PRKG1: variants seen among roughly 807,000 people sequenced by gnomAD.
PRKG1 encodes the protein cGMP-dependent protein kinase 1.
A neutral mutation model predicts 88.1 loss-of-function variants in PRKG1; 35 were observed. The ratio of observed to expected loss-of-function variants is 0.40; its 90% CI spans 0.30 to 0.53. PRKG1 has a LOEUF of 0.53. PRKG1 is among the 20% of genes least tolerant of loss of function. The pLI is 0.59. For synonymous variants in PRKG1, 303 were observed against 292.5 expected, an observed-to-expected ratio of 1.04 and a Z score of -0.37; for missense variants, 540 against 839.8, an observed-to-expected ratio of 0.64 and a Z score of 4.41.
At chr10:51,539,265 T>G (rs1211247080) in intron 3 of PRKG1, among the ~76,000 whole-genome samples, 2 of 152,096 alleles carry the variant, frequency 1.3e-5, no homozygotes, top group African/African-American at 4.8e-5. Context: ...AAGTGATGGA[T>G]TCATAATTAT....
intron 9 of PRKG1, among the ~76,000 whole-genome samples, chr10:52,195,940 G>T (rs190910875): frequency 1.7e-4 from 26 of 152,154 alleles, no homozygotes; most frequent in African/African-American, 6.0e-4. Flanking sequence ...AATGAGAACT[G>T]AAAAAATGGA....
At position 51,637,773 on chromosome 10, in the gene PRKG1, G is replaced by A. The variant is rs546144840; in HGVS notation, c.593-166812G>A. 3.9e-5 allele frequency among the ~76,000 whole-genome samples: 6 copies of A among 152,264 alleles called. No homozygotes were observed. In the East Asian group the frequency reaches 1.2e-3, roughly 29 times the overall value. ...ACACACACTGGGGCCTGTTGGGCAGGGGGTGGAAGGAGTGAGAGCATCAGG... is the reference window on the plus strand; with the variant it reads ...ACACACACTGGGGCCTGTTGGGCAGAGGGTGGAAGGAGTGAGAGCATCAGG... On this transcript the variant is annotated intron_variant, in intron 3 of 17. Coordinates refer to ENST00000373980, the MANE Select transcript of PRKG1 (RefSeq NM_006258.4).
chr10:52,127,322 G>T (rs147045901), intron 7 of PRKG1, among the ~76,000 whole-genome samples: 33 of 152,262 alleles, frequency 2.2e-4, no homozygotes, highest in Non-Finnish European at 4.6e-4. Context: ...TTGAATCGCA[G>T]GTTGCAATGG....
At chr10:51,655,232 T>C (rs559836586) in intron 3 of PRKG1, among the ~76,000 whole-genome samples, 54 of 152,262 alleles carry the variant, frequency 3.5e-4, no homozygotes, top group African/African-American at 1.3e-3. Flanking sequence ...TCATGTTTCA[T>C]AGAAATCTGA....
intron 3 of PRKG1, among the ~76,000 whole-genome samples, chr10:51,638,429 T>C (rs6480391): frequency 0.85 from 129,705 of 152,144 alleles, 56,353 homozygotes; most frequent in Middle Eastern, 0.95. Flanking sequence ...CTCTAAGCAA[T>C]CACAAGGAAA....
intron 4 of PRKG1, among the ~76,000 whole-genome samples, chr10:51,888,714 G>A (rs988464108): frequency 1.3e-5 from 2 of 152,168 alleles, no homozygotes; most frequent in African/African-American, 2.4e-5. Context: ...TTGTGTCCAG[G>A]TTTTGCCACT....
intron 3 of PRKG1, among the ~76,000 whole-genome samples, chr10:51,580,072 A>C (rs1047896874): frequency 7.9e-5 from 12 of 152,166 alleles, no homozygotes; most frequent in Non-Finnish European, 1.2e-4. Context: ...TTTTTACTAC[A>C]TATGTGTTTG....
intron 5 of PRKG1, among the ~76,000 whole-genome samples, chr10:51,989,871 TATC>T (rs1434236428): frequency 6.6e-6 from 1 of 152,146 alleles, no homozygotes; most frequent in East Asian, 1.9e-4. Flanking sequence ...TATCCAAAAA[TATC>T]ATTGCCCAGA....
At chr10:52,275,910 C>T (rs986160820) in intron 12 of PRKG1, among the ~76,000 whole-genome samples, 3 of 151,922 alleles carry the variant, frequency 2.0e-5, no homozygotes, top group East Asian at 1.9e-4. Flanking sequence ...AGGTATTTTC[C>T]GAAGTTTTTG....
chr10:51,462,650 G>A (rs749858279), intron 2 of PRKG1, among the ~76,000 whole-genome samples: 4 of 152,070 alleles, frequency 2.6e-5, no homozygotes, highest in Non-Finnish European at 5.9e-5. Flanking sequence ...GTTACCTGAA[G>A]TAAAATTTAA....
At chr10:51,309,657 A>G (rs1841130635) in intron 2 of PRKG1, among the ~76,000 whole-genome samples, 2 of 151,966 alleles carry the variant, frequency 1.3e-5, no homozygotes, top group Non-Finnish European at 2.9e-5. Context: ...AATATAAGTT[A>G]GAACAACCTC....
In PRKG1 at chr10:52,126,861, G is replaced by T. The variant is rs543653323; in HGVS notation, c.936-6979G>T. ...GGGTCGTCAGTATAGTGCCTGGAAA[G>T]GTGATAGATCAGACAGTTGGAGGAC... On this transcript the variant is annotated intron_variant, in intron 7 of 17. Transcript: ENST00000373980. 3.3e-5 allele frequency among the ~76,000 whole-genome samples: 5 copies of T among 152,260 alleles called. No homozygotes were observed. The East Asian group carries it at 9.7e-4, about 29-fold the overall frequency.
intron 1 of PRKG1, among the ~76,000 whole-genome samples, chr10:51,118,768 A>G (rs1200958889): frequency 6.6e-6 from 1 of 152,112 alleles, no homozygotes; most frequent in Non-Finnish European, 1.5e-5. Flanking sequence ...AGAATATTCT[A>G]TTTAATTTAC....
intron 2 of PRKG1, among the ~76,000 whole-genome samples, chr10:51,200,827 T>G (rs774096424): frequency 3.9e-5 from 6 of 152,202 alleles, no homozygotes; most frequent in Non-Finnish European, 8.8e-5. Flanking sequence ...TTTAATATGC[T>G]GCCTACTGAA....
intron 3 of PRKG1, among the ~76,000 whole-genome samples, chr10:51,639,700 A>T (rs921632708): frequency 8.6e-5 from 13 of 151,138 alleles, no homozygotes; most frequent in Non-Finnish European, 4.4e-5. Flanking sequence ...TTTATATATA[A>T]ATTATTTTAT....
At chr10:51,856,867 G>A (rs1408700197) in intron 4 of PRKG1, among the ~76,000 whole-genome samples, 1 of 151,912 alleles carries the variant, frequency 6.6e-6, no homozygotes. Context: ...GGGAGGCTGA[G>A]GCAGGAGAAT....
chr10:51,988,734 A>C (rs1329976273), intron 5 of PRKG1, among the ~76,000 whole-genome samples: 1 of 151,666 alleles, frequency 6.6e-6, no homozygotes, highest in African/African-American at 2.4e-5. Context: ...TGATTGGTAA[A>C]ATTTTTTTCT....
At position 52,282,282 on chromosome 10, in the gene PRKG1, C is replaced by T. The variant is rs376012509; in HGVS notation, c.1675C>T (p.Leu559=). 1.2e-6 allele frequency: 2 copies of T among 1,608,004 alleles called. No homozygotes were observed. Among genetic ancestry groups the T allele is most frequent in the South Asian group, 1.1e-5 (1 of 90,290 alleles). Residue 559 remains leucine (L), a synonymous_variant, in exon 14 of 18, where the codon CTG becomes TTG. Coordinates refer to ENST00000373980, the MANE Select transcript of PRKG1 (RefSeq NM_006258.4). ...GHDISADYWS[L]GILMYELLTG... is the part of the protein sequence containing the mutation. ...TGACATTTCAGCCGACTACTGGTCA[C>T]TGGGAATCCTAATGTATGAACTCCT...
chr10:51,712,752 G>A (rs947764895), intron 3 of PRKG1, among the ~76,000 whole-genome samples: 10 of 151,726 alleles, frequency 6.6e-5, no homozygotes, highest in African/African-American at 2.4e-4. Flanking sequence ...ACCACGCCCG[G>A]CTAATTTTTT....
Sources: allele counts gnomAD v4.1 joint callset (sites outside exome capture counted in the v4.1 genomes callset), GRCh38; gene constraint gnomAD v4.1.1; transcripts MANE v1.5; gene names NCBI Gene and HGNC (gene_info 2026-07-23, HGNC 2026-07-21).